The following MGAT4C variants were observed in gnomAD, a reference collection of about 807,000 sequenced individuals.
The protein encoded by MGAT4C is alpha-1,3-mannosyl-glycoprotein 4-beta-N-acetylglucosaminyltransferase C.
In MGAT4C, 19 loss-of-function variants were observed where a neutral mutation model predicts 40.1. That is an observed-to-expected ratio of 0.47 (90% CI 0.33 to 0.70). MGAT4C has a LOEUF of 0.70. Among genes scored for constraint, MGAT4C ranks in the 30% least tolerant of loss-of-function variants. The probability of loss-of-function intolerance (pLI) is 0.02; values close to 1 mark genes in which losing one functional copy is unlikely to be tolerated. For missense variants in MGAT4C, 491 were observed against 563.2 expected (o/e 0.87, Z 1.30); for synonymous variants, 181 against 187.1 (o/e 0.97, Z 0.27).
At chr12:86,151,623 G>A (rs1445335514) in intron 1 of MGAT4C, among the ~76,000 whole-genome samples, 1 of 152,050 alleles carries the variant, frequency 6.6e-6, no homozygotes, top group Non-Finnish European at 1.5e-5. Context: ...TGGACACTAT[G>A]TGTAAAGATT....
intron 4 of MGAT4C, among the ~76,000 whole-genome samples, chr12:86,311,368 C>T (rs907676669): frequency 6.6e-6 from 1 of 152,202 alleles, no homozygotes; most frequent in African/African-American, 2.4e-5. Context: ...AAAGTATAAT[C>T]TTACGGGGTC....
chr12:86,102,240 T>A (rs754641191), intron 1 of MGAT4C, among the ~76,000 whole-genome samples: 1 of 151,964 alleles, frequency 6.6e-6, no homozygotes, highest in Non-Finnish European at 1.5e-5. Context: ...CTTTTTTTTG[T>A]AATGACAAAT....
rs540016679 is a variant in MGAT4C, at chr12:85,966,468, C to T, written c.*12821G>A. 3.3e-5 allele frequency: 5 copies of T among 152,212 alleles called. No homozygotes were observed. In the South Asian group the frequency reaches 6.2e-4, roughly 19 times the overall value. 9.4% of individuals were successfully genotyped at this position (152,212 alleles called of 1,614,324 possible). A position where few individuals can be genotyped will look rare whatever the true frequency, so the allele number is the denominator to read the frequency against. On this transcript the variant is annotated 3_prime_UTR_variant, in exon 5 of 5. Transcript: ENST00000611864. ...CCTGGCTGTTTTATTCTATTGTGCA[C>T]TCTAATTACATAACCAAAATCTTTT...
chr12:86,606,193 T>C (rs1366554863), intron 2 of MGAT4C, among the ~76,000 whole-genome samples: 3 of 152,102 alleles, frequency 2.0e-5, no homozygotes, highest in Non-Finnish European at 4.4e-5. Flanking sequence ...ATGGGGATTA[T>C]GGGAATTACA....
chr12:86,122,698 G>T (rs531515827), intron 1 of MGAT4C, among the ~76,000 whole-genome samples: 11 of 152,158 alleles, frequency 7.2e-5, no homozygotes, highest in African/African-American at 2.6e-4. Context: ...ATGCTATAAA[G>T]TGCATAAAAG....
intron 4 of MGAT4C, among the ~76,000 whole-genome samples, chr12:86,282,069 A>T (rs960423509): frequency 1.1e-4 from 16 of 152,022 alleles, no homozygotes; most frequent in African/African-American, 3.6e-4. Flanking sequence ...GGCTTTTTAA[A>T]TTTTACTTTG....
chr12:86,288,729 GT>G (rs1953422525), intron 4 of MGAT4C, among the ~76,000 whole-genome samples: 3 of 151,994 alleles, frequency 2.0e-5, no homozygotes, highest in Admixed American at 6.6e-5. Context: ...GAAAGTGTCT[GT>G]TCATGTTCTT....
intron 3 of MGAT4C, among the ~76,000 whole-genome samples, chr12:86,410,551 G>T (rs1338688339): frequency 6.6e-6 from 1 of 152,056 alleles, no homozygotes; most frequent in Non-Finnish European, 1.5e-5. Flanking sequence ...CTGTTATTCT[G>T]TTCGTTTTCA....
intron 1 of MGAT4C, among the ~76,000 whole-genome samples, chr12:86,142,163 G>T (rs1046886109): frequency 2.6e-5 from 4 of 152,154 alleles, no homozygotes; most frequent in Admixed American, 2.6e-4. Context: ...TGAAATTCAG[G>T]TTTAGCTAAT....
intron 1 of MGAT4C, among the ~76,000 whole-genome samples, chr12:86,115,126 G>A (rs1301280338): frequency 1.3e-5 from 2 of 151,942 alleles, no homozygotes; most frequent in Admixed American, 1.3e-4. Flanking sequence ...ACCAGTTGAC[G>A]AAGGAAGAGT....
intron 2 of MGAT4C, among the ~76,000 whole-genome samples, chr12:86,048,004 G>A (rs981725926): frequency 6.6e-6 from 1 of 151,908 alleles, no homozygotes; most frequent in Non-Finnish European, 1.5e-5. Flanking sequence ...ACAACACAGA[G>A]TGTAAATAGA....
intron 2 of MGAT4C, among the ~76,000 whole-genome samples, chr12:86,586,288 T>C (rs1381295053): frequency 3.6e-5 from 4 of 109,850 alleles, no homozygotes; most frequent in Non-Finnish European, 7.7e-5. Flanking sequence ...ACTCATCATT[T>C]TTTATGGCTG....
At chr12:86,707,537 T>C in intron 2 of MGAT4C, among the ~76,000 whole-genome samples, 1 of 151,580 alleles carries the variant, frequency 6.6e-6, no homozygotes, top group East Asian at 1.9e-4. Context: ...TCTTTTTTTT[T>C]TTTTTTTAAT....
chr12:86,212,173 C>T (rs1031677063), intron 1 of MGAT4C, among the ~76,000 whole-genome samples: 3 of 152,030 alleles, frequency 2.0e-5, no homozygotes, highest in Non-Finnish European at 4.4e-5. Context: ...ATCCACTAAT[C>T]CATTCTTTTC....
At chr12:86,261,708 T>A (rs2136096558) in intron 4 of MGAT4C, among the ~76,000 whole-genome samples, 1 of 152,192 alleles carries the variant, frequency 6.6e-6, no homozygotes, top group South Asian at 2.1e-4. Flanking sequence ...TTAGGTGTAA[T>A]GGAGTTCATG....
chr12:86,527,454 T>G (rs1036947733), intron 2 of MGAT4C, among the ~76,000 whole-genome samples: 1 of 152,202 alleles, frequency 6.6e-6, no homozygotes, highest in Admixed American at 6.5e-5. Flanking sequence ...TTCTTTTTGC[T>G]CAGGCCTGCT....
chr12:86,805,902 A>G (rs1032391526), intron 1 of MGAT4C, among the ~76,000 whole-genome samples: 2 of 151,874 alleles, frequency 1.3e-5, no homozygotes, highest in African/African-American at 4.8e-5. Flanking sequence ...TTTTTTAATA[A>G]TAGCCATTAT....
intron 4 of MGAT4C, among the ~76,000 whole-genome samples, chr12:86,287,738 C>A (rs1267317005): frequency 1.3e-5 from 2 of 152,152 alleles, no homozygotes; most frequent in South Asian, 4.1e-4. Flanking sequence ...TATTCTTTAT[C>A]CACTGTAATA....
At chr12:86,685,403 T>C (rs556148973) in intron 2 of MGAT4C, among the ~76,000 whole-genome samples, 6 of 152,316 alleles carry the variant, frequency 3.9e-5, no homozygotes, top group African/African-American at 1.4e-4. Context: ...ATATATCTGT[T>C]TTGGTACCAG....
Sources: gnomAD v4.1 joint callset for allele counts (sites outside exome capture counted in the v4.1 genomes callset) on GRCh38, gnomAD v4.1.1 for gene constraint, MANE v1.5 for transcripts, NCBI Gene and HGNC (gene_info 2026-07-23, HGNC 2026-07-21) for gene names.